COL5A3: variants seen among roughly 807,000 people sequenced by gnomAD.
COL5A3 encodes the protein collagen alpha-3(V) chain.
Under a neutral mutation model 250.0 loss-of-function variants are expected in COL5A3, and 172 were observed. That is an observed-to-expected ratio of 0.69 (90% CI 0.61 to 0.78). The LOEUF is 0.78. Among genes scored for constraint, COL5A3 ranks in the 30% least tolerant of loss-of-function variants. COL5A3 has a pLI of 0.00. For missense variants in COL5A3, 2,340 were observed against 2,334.4 expected, an observed-to-expected ratio of 1.00 and a Z score of -0.05; for synonymous variants, 937 against 900.4, an observed-to-expected ratio of 1.04 and a Z score of -0.73.
At chr19:10,001,450 A>G in intron 8 of COL5A3, 74 bp downstream of exon 8, 2 of 1,493,674 alleles carry the variant, frequency 1.3e-6, no homozygotes, top group Non-Finnish European at 1.8e-6. Flanking sequence ...CCCTGCCTAA[A>G]TAAATAAATT....
rs1400451996 is a variant in COL5A3, at chr19:9,978,883, A to T, written c.2964+8T>A. The stretch of plus-strand genomic sequence containing the variant: ...GGGACATGCAGGAGGGTCTCCAAAG[A>T]TACTCACCGGGTCCCCAGGGCCCCC... On this transcript the variant is annotated splice_region_variant and intron_variant, in intron 40 of 66. Transcript: ENST00000264828. 6.9e-7 allele frequency: 1 copy of T among 1,452,494 alleles called. No homozygotes were observed. The highest frequency in any genetic ancestry group is 9.1e-7 in the Non-Finnish European group (1 of 1,100,862). The allele number at this position is 1,452,494 out of a possible 1,614,324, so 90.0% of individuals were successfully genotyped here. A position where few individuals can be genotyped will look rare whatever the true frequency, so the allele number is the denominator to read the frequency against.
chr19:10,006,482 A>C (rs1008287973), intron 1 of COL5A3, among the ~76,000 whole-genome samples: 7 of 149,812 alleles, frequency 4.7e-5, no homozygotes, highest in African/African-American at 7.4e-5. Flanking sequence ...GTTTTTGGTG[A>C]GAAAAAAAGT....
rs1175627101 is a variant in COL5A3, at chr19:9,981,928, T to A, written c.2460+137A>T. The A allele has an allele frequency of 5.5e-6, 4 of 726,004 alleles. No homozygotes were observed. In the South Asian group the frequency reaches 6.2e-5, roughly 11 times the overall value. 45.0% of individuals were successfully genotyped at this position (726,004 alleles called of 1,614,324 possible). On this transcript the variant is annotated intron_variant, in intron 32 of 66. Coordinates refer to ENST00000264828, the MANE Select transcript of COL5A3 (RefSeq NM_015719.4). ...TCACCTACATGTGTCATGCATTGCATATAATAGCATGTGTGCACACAAATG... is the reference window on the plus strand; with the variant it reads ...TCACCTACATGTGTCATGCATTGCAAATAATAGCATGTGTGCACACAAATG...
intron 8 of COL5A3, 38 bp from the exon 9 acceptor site, chr19:9,998,187 G>A (rs758991782): frequency 7.6e-6 from 12 of 1,584,964 alleles, no homozygotes; most frequent in Non-Finnish European, 1.0e-5. Flanking sequence ...GAAAAGAGAT[G>A]TGAACTTGGA....
intron 6 of COL5A3, among the ~76,000 whole-genome samples, chr19:10,002,684 CT>C (rs1157608667): frequency 2.0e-5 from 3 of 152,092 alleles, no homozygotes; most frequent in Admixed American, 6.5e-5. Flanking sequence ...TCGGTGACCC[CT>C]AATCAATTAT....
chr19:9,991,633 G>A lies in COL5A3; in HGVS notation c.1969C>T (p.Leu657Phe). Residue 657 changes from leucine to phenylalanine, a missense_variant, in exon 24 of 67, where the codon CTC (leucine) becomes TTC (phenylalanine). Physicochemically the swap from Leu to Phe is conservative, Grantham distance 22. Around this residue, in one of 3 missense-constraint regions of COL5A3, gnomAD observed 1,152 missense variants for 1,146.3 expected, o/e 1.00. Coordinates refer to ENST00000264828, the MANE Select transcript of COL5A3 (RefSeq NM_015719.4). ...ACCTTCTCCCCAGGAGTGCCAATGA[G>A]TCCCTGGGGACCGGGGAGTCCCTGG... ...GSQGLPGPQG[L>F]IGTPGEKGPP... 6.2e-7 allele frequency: 1 copy of A among 1,607,518 alleles called. No homozygotes were observed. The highest frequency in any genetic ancestry group is 8.5e-7 in the Non-Finnish European group (1 of 1,176,686).
intron 21 of COL5A3, 62 bp from the exon 22 acceptor site, chr19:9,992,110 C>A: frequency 7.0e-7 from 1 of 1,437,878 alleles, no homozygotes; most frequent in Non-Finnish European, 9.8e-7. Flanking sequence ...GAGTCTGAGA[C>A]ACCGAGAGAT....
rs972852606 is a variant in COL5A3 at position 9,968,172 on chromosome 19, C to T, written c.4315-93G>A. The T allele has an allele frequency of 2.1e-5, 27 of 1,313,876 alleles. No individual in the cohort carries two copies. The South Asian group carries it at 2.6e-4, about 13-fold the overall frequency. The allele number at this position is 1,313,876 out of a possible 1,614,324, so 81.4% of individuals were successfully genotyped here. A position where few individuals can be genotyped will look rare whatever the true frequency, so the allele number is the denominator to read the frequency against. ...AGCCTTCAATCCTACCAAAGGAAGA[C>T]CCCGAACCCTAGACAAGCCTCCAGT... On this transcript the variant is annotated intron_variant, in intron 59 of 66. Coordinates refer to ENST00000264828, the MANE Select transcript of COL5A3 (RefSeq NM_015719.4). The surrounding 1 kb of genome is among the most constrained non-coding windows in gnomAD (Gnocchi z 4.1).
At chr19:9,965,462 T>C (rs1383255970) in intron 64 of COL5A3, among the ~76,000 whole-genome samples, 1 of 150,848 alleles carries the variant, frequency 6.6e-6, no homozygotes, top group Admixed American at 6.6e-5. Flanking sequence ...GGCCTTCTTT[T>C]TTTTTTTTCT....
intron 11 of COL5A3, chr19:9,997,036 G>T: frequency 1.9e-6 from 1 of 514,468 alleles, no homozygotes; most frequent in Non-Finnish European, 3.4e-6. Flanking sequence ...AGAGAGAGGC[G>T]AACATAGAGA....
chr19:9,996,076 T>A lies in COL5A3; in HGVS notation c.1523A>T (p.Glu508Val). The stretch of plus-strand genomic sequence containing the variant: ...CTCCACAAGTCTCACCTGTGGCCCT[T>A]CTGCTCCCTCCTCTCCTTTCAGACC... ...HPGLKGEEGAEGPQGPRGLQG... is the reference protein window; with the variant it reads ...HPGLKGEEGAVGPQGPRGLQG... The change falls in exon 15 of 67, where the codon GAA becomes GTA. Residue 508 changes from glutamate (E) to valine (V), a missense_variant. By Grantham distance (121) the Glu-to-Val change is moderately radical. Transcript: ENST00000264828. 1 of 1,582,210 alleles carries A rather than the reference T, an allele frequency of 6.3e-7. No individual in the cohort carries two copies. The highest frequency in any genetic ancestry group is 8.6e-7 in the Non-Finnish European group (1 of 1,165,138).
rs757831831 is a variant in COL5A3 at position 9,973,735 on chromosome 19, C to T, written c.3612+21G>A. The T allele has an allele frequency of 2.5e-6, 4 of 1,613,794 alleles. No individual in the cohort carries two copies. The East Asian group carries it at 8.9e-5, about 36-fold the overall frequency. On this transcript the variant is annotated intron_variant, in intron 49 of 66. Transcript: ENST00000264828. ...AGATTTATCTCTTCCCCCCGTGCAG[C>T]CCCTGCCTTCCCTCACTCACCTTCT...
At chr19:9,987,251 A>G (rs1467213718) in intron 27 of COL5A3, among the ~76,000 whole-genome samples, 64 of 152,210 alleles carry the variant, frequency 4.2e-4, no homozygotes, top group Admixed American at 1.3e-4. Context: ...GCGGGCTACA[A>G]TGAAATTGCG....
intron 7 of COL5A3, 44 bp from the exon 8 acceptor site, chr19:10,001,714 T>C: frequency 8.1e-6 from 13 of 1,613,074 alleles, no homozygotes; most frequent in Non-Finnish European, 1.1e-5. Flanking sequence ...GACCTCCTTA[T>C]TTTCTGCCAC....
chr19:9,997,250 G>C, intron 11 of COL5A3, 121 bp downstream of exon 11: 2 of 770,058 alleles, frequency 2.6e-6, no homozygotes. Context: ...GAAGAGGTCA[G>C]TGCCAGCCCC....
Position 9,973,636 on chromosome 19 carries a change from A to C in COL5A3, c.3613-13T>G. The C allele has an allele frequency of 6.2e-7, 1 of 1,612,358 alleles. No homozygotes were observed. Among genetic ancestry groups the C allele is most frequent in the Non-Finnish European group, 8.5e-7 (1 of 1,179,072 alleles). On this transcript the variant is annotated splice_polypyrimidine_tract_variant and intron_variant, in intron 49 of 66. Coordinates refer to ENST00000264828, the MANE Select transcript of COL5A3 (RefSeq NM_015719.4). ...CCCCTCGCTCACCCTGCAGGAGGCAAAGTGAGAGTGGGGAGAGGTCCCATC... is the reference window on the plus strand; with the variant it reads ...CCCCTCGCTCACCCTGCAGGAGGCACAGTGAGAGTGGGGAGAGGTCCCATC...
chr19:10,006,956 T>C (rs1195947806), intron 1 of COL5A3, among the ~76,000 whole-genome samples: 2 of 151,306 alleles, frequency 1.3e-5, no homozygotes, highest in Admixed American at 6.6e-5. Flanking sequence ...CCCTCCTCTA[T>C]GAACTTCCTC....
chr19:10,008,477 CT>C (rs1440327472), intron 1 of COL5A3, among the ~76,000 whole-genome samples: 1 of 152,152 alleles, frequency 6.6e-6, no homozygotes, highest in Non-Finnish European at 1.5e-5. Context: ...AGCCTGCCCC[CT>C]GCCACTCTCC....
intron 27 of COL5A3, among the ~76,000 whole-genome samples, chr19:9,987,933 C>T (rs1018593103): frequency 6.6e-6 from 1 of 152,006 alleles, no homozygotes; most frequent in Non-Finnish European, 1.5e-5. Flanking sequence ...GACCCTGTCT[C>T]TAAAAAATAA....
Sources: gnomAD v4.1 joint callset for allele counts (sites outside exome capture counted in the v4.1 genomes callset) on GRCh38, gnomAD v4.1.1 for gene constraint, gnomAD v4.1.1 regional missense constraint, Gnocchi (gnomAD v3.1) non-coding constraint, MANE v1.5 for transcripts, NCBI Gene and HGNC (gene_info 2026-07-23, HGNC 2026-07-21) for gene names.